Variants in FRAS1 observed in about 807,000 individuals in gnomAD.
The protein encoded by FRAS1 is Fraser extracellular matrix complex subunit 1.
FRAS1 carries 290 observed loss-of-function variants against 435.2 expected under a neutral mutation model. The ratio of observed to expected loss-of-function variants is 0.67; its 90% CI spans 0.61 to 0.73. The LOEUF (loss-of-function observed/expected upper bound fraction) is 0.73, where lower values mean the gene tolerates loss of function less well. FRAS1 is among the 30% of genes least tolerant of loss of function. The probability of loss-of-function intolerance (pLI) is 0.00; values close to 1 mark genes in which losing one functional copy is unlikely to be tolerated. For missense variants in FRAS1, 4,860 were observed against 5,001.5 expected (o/e 0.97, Z 0.85); for synonymous variants, 1,800 against 1,851.0 (o/e 0.97, Z 0.71).
chr4:78,526,755 G>A, intron 70 of FRAS1, 98 bp downstream of exon 70: 2 of 737,468 alleles, frequency 2.7e-6, no homozygotes, highest in Non-Finnish European at 4.4e-6. Context: ...TCAACATGGT[G>A]CTTTCATAGT....
At chr4:78,309,502 G>T (rs1236014963) in intron 15 of FRAS1, among the ~76,000 whole-genome samples, 1 of 152,166 alleles carries the variant, frequency 6.6e-6, no homozygotes, top group Non-Finnish European at 1.5e-5. Flanking sequence ...TCATTTTCCA[G>T]ATAGGAAACA....
At position 78,412,959 on chromosome 4, in the gene FRAS1, T is replaced by A; in HGVS notation, c.4309-10T>A. On this transcript the variant is annotated splice_polypyrimidine_tract_variant and intron_variant, in intron 31 of 73. Transcript: ENST00000512123. ...AGATGAGAGGCTCACCAGGATGACT[T>A]TCTTTTCAGGTGTCCAGTGCCTCCA... 1 of 1,575,060 alleles carries A rather than the reference T, an allele frequency of 6.3e-7. No individual in the cohort carries two copies.
At chr4:78,239,679 C>T (rs779636702) in intron 3 of FRAS1, among the ~76,000 whole-genome samples, 7 of 152,142 alleles carry the variant, frequency 4.6e-5, no homozygotes, top group Non-Finnish European at 8.8e-5. Context: ...GACACCAAGC[C>T]TCCTTGCTGT....
intron 70 of FRAS1, among the ~76,000 whole-genome samples, chr4:78,528,555 A>G (rs896537981): frequency 6.6e-6 from 1 of 152,100 alleles, no homozygotes; most frequent in African/African-American, 2.4e-5. Flanking sequence ...ACTCCGCATG[A>G]TGATTTTGAT....
chr4:78,070,255 GTATATATA>G (rs34910696), intron 2 of FRAS1, among the ~76,000 whole-genome samples: 2 of 148,608 alleles, frequency 1.3e-5, no homozygotes, highest in Non-Finnish European at 3.0e-5. Context: ...GTATATAAGT[GTATATATA>G]TATATATATA....
chr4:78,169,175 A>G (rs2110034583), intron 2 of FRAS1, among the ~76,000 whole-genome samples: 1 of 152,234 alleles, frequency 6.6e-6, no homozygotes, highest in Non-Finnish European at 1.5e-5. Flanking sequence ...TTCAGCCATC[A>G]TGCATTCATC....
chr4:78,342,664 T>C (rs956604947), intron 20 of FRAS1, among the ~76,000 whole-genome samples: 1 of 152,166 alleles, frequency 6.6e-6, no homozygotes, highest in African/African-American at 2.4e-5. Context: ...TAGAATAGGG[T>C]AAGAATTAAA....
At chr4:78,477,003 A>C (rs930139998) in intron 54 of FRAS1, among the ~76,000 whole-genome samples, 23 of 151,870 alleles carry the variant, frequency 1.5e-4, no homozygotes, top group African/African-American at 5.3e-4. Context: ...AAAAAAAAAA[A>C]ACAAAGTAAA....
chr4:78,214,564 A>G (rs763405910), intron 2 of FRAS1, among the ~76,000 whole-genome samples: 13 of 152,222 alleles, frequency 8.5e-5, no homozygotes, highest in Admixed American at 6.5e-5. Context: ...TCCTACATAC[A>G]TCTTGATAAA....
intron 27 of FRAS1, 51 bp downstream of exon 27, chr4:78,380,047 T>C: frequency 6.3e-7 from 1 of 1,587,316 alleles, no homozygotes; most frequent in Non-Finnish European, 8.6e-7. Context: ...ATCATTGCTT[T>C]TCCACTCCTC....
At chr4:78,262,304 A>G (rs1578213490) in intron 6 of FRAS1, among the ~76,000 whole-genome samples, 1 of 152,166 alleles carries the variant, frequency 6.6e-6, no homozygotes, top group East Asian at 1.9e-4. Context: ...TCCCCAGCAC[A>G]CATACTTCCC....
intron 26 of FRAS1, among the ~76,000 whole-genome samples, chr4:78,376,772 T>C (rs945352212): frequency 1.3e-5 from 2 of 151,918 alleles, no homozygotes; most frequent in Non-Finnish European, 2.9e-5. Context: ...AGGCAGATCA[T>C]CTGAGGTCAG....
chr4:78,308,120 C>T lies in FRAS1; in HGVS notation c.1589C>T (p.Ala530Val), dbSNP rs1318019407. Residue 530 changes from alanine (A) to valine (V), a missense_variant, in exon 15 of 74, where the codon GCC becomes GTC. Coordinates refer to ENST00000512123, the MANE Select transcript of FRAS1 (RefSeq NM_025074.7). ...CWGPTEKHCL[A>V]CRDPLHVLRD... is the part of the protein sequence containing the mutation. ...GGCCCAACGGAGAAGCACTGCTTGG[C>T]CTGCAGAGATCCCCTCCACGTGCTG... The T allele has an allele frequency of 1.5e-5, 25 of 1,613,760 alleles. No homozygotes were observed. Among genetic ancestry groups the T allele is most frequent in the Non-Finnish European group, 2.0e-5 (24 of 1,179,814 alleles).
chr4:78,443,271 T>A (rs1734731042), intron 41 of FRAS1, among the ~76,000 whole-genome samples: 1 of 152,058 alleles, frequency 6.6e-6, no homozygotes. Flanking sequence ...GGCAGGAGGA[T>A]CAGTTGAGCC....
intron 65 of FRAS1, 99 bp downstream of exon 65, chr4:78,513,651 TC>T: frequency 9.2e-7 from 1 of 1,085,872 alleles, no homozygotes; most frequent in Non-Finnish European, 1.4e-6. Context: ...TGTTTTCTGG[TC>T]CTCAGAATCC....
At position 78,281,386 on chromosome 4, in the gene FRAS1, C is replaced by A; in HGVS notation, c.1072-12C>A. Reference sequence around the variant, plus strand: ...TTAGTGGCATAATAAAGACATTTCTCTTTGTTCCTAGATGTCATCAAATGC... The same window carrying A: ...TTAGTGGCATAATAAAGACATTTCTATTTGTTCCTAGATGTCATCAAATGC... On this transcript the variant is annotated splice_polypyrimidine_tract_variant and intron_variant, in intron 10 of 73. Coordinates refer to ENST00000512123, the MANE Select transcript of FRAS1 (RefSeq NM_025074.7). 6.4e-7 allele frequency: 1 copy of A among 1,558,310 alleles called. No individual in the cohort carries two copies. The highest frequency in any genetic ancestry group is 8.7e-7 in the Non-Finnish European group (1 of 1,150,820).
chr4:78,456,221 G>A (rs1486566000), intron 47 of FRAS1, among the ~76,000 whole-genome samples: 1 of 64,180 alleles, frequency 1.6e-5, no homozygotes, highest in Non-Finnish European at 3.3e-5. Flanking sequence ...TTGGCTCATT[G>A]CAACCTCCGC....
chr4:78,316,270 C>T (rs1729241303), intron 16 of FRAS1, among the ~76,000 whole-genome samples: 2 of 152,130 alleles, frequency 1.3e-5, no homozygotes, highest in Admixed American at 6.5e-5. Flanking sequence ...AAATTTCTAC[C>T]TTATGTATGC....
chr4:78,327,568 T>C (rs1240077509), intron 18 of FRAS1, among the ~76,000 whole-genome samples: 1 of 152,248 alleles, frequency 6.6e-6, no homozygotes, highest in African/African-American at 2.4e-5. Flanking sequence ...TTTATAGTCA[T>C]CTAAGGACAC....
Sources: gnomAD v4.1 joint callset for allele counts (sites outside exome capture counted in the v4.1 genomes callset) on GRCh38, gnomAD v4.1.1 for gene constraint, MANE v1.5 for transcripts, NCBI Gene and HGNC (gene_info 2026-07-23, HGNC 2026-07-21) for gene names.